POMT2: variants seen among roughly 807,000 people sequenced by gnomAD.
POMT2 encodes protein O-mannosyl-transferase 2.
POMT2 carries 75 observed loss-of-function variants against 100.0 expected under a neutral mutation model. That is an observed-to-expected ratio of 0.75 (90% CI 0.62 to 0.91). POMT2 has a LOEUF of 0.91. Ranked by LOEUF, POMT2 falls within the 40% of genes least tolerant of loss-of-function variation. The probability of loss-of-function intolerance (pLI) is 0.00; values close to 1 mark genes in which losing one functional copy is unlikely to be tolerated. For synonymous variants in POMT2, 378 were observed against 374.1 expected, an observed-to-expected ratio of 1.01 and a Z score of -0.12; for missense variants, 940 against 955.1, an observed-to-expected ratio of 0.98 and a Z score of 0.21.
At chr14:77,295,979 C>G (rs924946203) in intron 9 of POMT2, among the ~76,000 whole-genome samples, 185 bp downstream of exon 9, 4 of 152,066 alleles carry the variant, frequency 2.6e-5, no homozygotes, top group African/African-American at 9.7e-5. Flanking sequence ...ACATGGTTGT[C>G]ACTAAAGAAC....
intron 4 of POMT2, 40 bp from the exon 5 acceptor site, chr14:77,302,983 A>G: frequency 6.7e-7 from 1 of 1,498,320 alleles, no homozygotes; most frequent in Non-Finnish European, 9.2e-7. Context: ...GCGAGGTAAG[A>G]GAAGGGCCCC....
intron 7 of POMT2, 63 bp downstream of exon 7, chr14:77,299,392 C>A: frequency 6.9e-7 from 1 of 1,452,784 alleles, no homozygotes; most frequent in Admixed American, 1.7e-5. Flanking sequence ...CATCCGACCC[C>A]TCCACAGGCT....
intron 1 of POMT2, among the ~76,000 whole-genome samples, chr14:77,319,181 G>A (rs1891739095): frequency 6.6e-6 from 1 of 152,182 alleles, no homozygotes; most frequent in Admixed American, 6.5e-5. Flanking sequence ...CAGCCCAGAT[G>A]TCTGAAATAA....
At chr14:77,280,316 ACCC>A (rs1185987473) in intron 16 of POMT2, 73 bp downstream of exon 16, 1 of 1,315,718 alleles carries the variant, frequency 7.6e-7, no homozygotes, top group East Asian at 2.7e-5. Context: ...TAGTACACCC[ACCC>A]CCGCCTCCAC....
chr14:77,285,700 G>T, intron 12 of POMT2, 68 bp from the exon 13 acceptor site: 1 of 1,536,756 alleles, frequency 6.5e-7, no homozygotes, highest in East Asian at 2.2e-5. Context: ...TGTCAGAAAG[G>T]GAAATGGCCA....
chr14:77,304,810 GA>G lies in POMT2; in HGVS notation c.439-11del. 1 of 1,575,436 alleles carries G rather than the reference GA, an allele frequency of 6.3e-7. No homozygotes were observed. Among genetic ancestry groups the G allele is most frequent in the Non-Finnish European group, 8.6e-7 (1 of 1,160,212 alleles). ...CAAGGAATGCACAGAACTGTGGGAG[GA>G]ATAGAGAAGCTGTCAAATAACAAGC... On this transcript the variant is annotated splice_polypyrimidine_tract_variant and intron_variant, in intron 3 of 20. Transcript: ENST00000261534.
intron 1 of POMT2, among the ~76,000 whole-genome samples, chr14:77,318,111 A>T (rs1891694830): frequency 6.6e-6 from 1 of 152,172 alleles, no homozygotes; most frequent in Admixed American, 6.5e-5. Flanking sequence ...AAGGAAAGAA[A>T]CAATCCTGGC....
rs190263324 is a variant in POMT2 at position 77,307,199 on chromosome 14, G to T, written c.334-758C>A. ...AAGCAGCTGAAGTATAAAAACTGCT[G>T]GCAAATGCCAACCATCTGGGACAGC... is the stretch of plus-strand genomic sequence containing the variant. On this transcript the variant is annotated intron_variant, in intron 2 of 20. Coordinates refer to ENST00000261534, the MANE Select transcript of POMT2 (RefSeq NM_013382.7). 1.5e-4 allele frequency among the ~76,000 whole-genome samples: 23 copies of T among 152,328 alleles called. No individual in the cohort carries two copies. In the East Asian group the frequency reaches 3.9e-3, roughly 26 times the overall value.
At chr14:77,278,920 TC>T in intron 18 of POMT2, 51 bp from the exon 19 acceptor site, 2 of 1,586,248 alleles carry the variant, frequency 1.3e-6, no homozygotes, top group Non-Finnish European at 1.7e-6. Context: ...GGGCAGAGAT[TC>T]CAGGCTCTGG....
At chr14:77,280,190 C>G (rs1253424926) in intron 16 of POMT2, 110 bp from the exon 17 acceptor site, 14 of 1,590,136 alleles carry the variant, frequency 8.8e-6, no homozygotes, top group Middle Eastern at 2.1e-4. Context: ...GGACACGAAC[C>G]TCAGGCTGGC....
chr14:77,305,053 T>C (rs1891177491), intron 3 of POMT2, among the ~76,000 whole-genome samples: 1 of 152,020 alleles, frequency 6.6e-6, no homozygotes, highest in Non-Finnish European at 1.5e-5. Flanking sequence ...GCCAGGAAGG[T>C]GTGGGTAGGA....
chr14:77,318,589 T>C (rs28374503), intron 1 of POMT2, among the ~76,000 whole-genome samples: 39,659 of 152,070 alleles, frequency 0.26, 5,364 homozygotes, highest in East Asian at 0.48. Flanking sequence ...CCATGTGGTT[T>C]AAACCACTGT....
rs558868901 is a variant in POMT2, at chr14:77,277,275, G to T, written c.*101C>A. ...CCTGGTGAGCAGCAGAATTCTTCGG[G>T]CTCCTTAGGCAGCTTCCTCATGGCC... On this transcript the variant is annotated 3_prime_UTR_variant, in exon 21 of 21. Transcript: ENST00000261534. 1 of 1,007,594 alleles carries T rather than the reference G, an allele frequency of 9.9e-7. No individual in the cohort carries two copies. The highest frequency in any genetic ancestry group is 1.5e-6 in the Non-Finnish European group (1 of 654,078). 62.4% of individuals were successfully genotyped at this position (1,007,594 alleles called of 1,614,324 possible).
At chr14:77,311,914 G>C in intron 2 of POMT2, 35 bp downstream of exon 2, 1 of 1,612,662 alleles carries the variant, frequency 6.2e-7, no homozygotes, top group Non-Finnish European at 8.5e-7. Flanking sequence ...ACAATCCTCT[G>C]GGACCAGAGA....
In POMT2 at chr14:77,288,849, G is replaced by C. The variant is rs1890538029; in HGVS notation, c.1184-18C>G. On this transcript the variant is annotated intron_variant, in intron 10 of 20. Transcript: ENST00000261534. Reference sequence around the variant, plus strand: ...TAGGGGATCTGCCAAAAAGAAACAAGCATTGATATCCAAAATCACTCACCA... The same window carrying C: ...TAGGGGATCTGCCAAAAAGAAACAACCATTGATATCCAAAATCACTCACCA... 6.2e-7 allele frequency: 1 copy of C among 1,610,782 alleles called. No homozygotes were observed. Among genetic ancestry groups the C allele is most frequent in the Admixed American group, 1.7e-5 (1 of 59,966 alleles).
At chr14:77,312,568 C>CAGGAGAAT (rs1891477092) in intron 1 of POMT2, 1 of 153,278 alleles carries the variant, frequency 6.5e-6, no homozygotes, top group African/African-American at 2.4e-5. Context: ...GAGGCTGAGG[C>CAGGAGAAT]GTGAACCCGG....
At chr14:77,308,362 T>G (rs1891305102) in intron 2 of POMT2, among the ~76,000 whole-genome samples, 1 of 149,720 alleles carries the variant, frequency 6.7e-6, no homozygotes, top group Non-Finnish European at 1.5e-5. Context: ...TTTTGTTTTT[T>G]TTTTTTTTTT....
At position 77,304,750 on chromosome 14, in the gene POMT2, T is replaced by C; in HGVS notation, c.489A>G (p.Val163=). Residue 163 remains valine, a synonymous_variant, in exon 4 of 21, where the codon GTA becomes GTG. Coordinates refer to ENST00000261534, the MANE Select transcript of POMT2 (RefSeq NM_013382.7). The stretch of plus-strand genomic sequence containing the variant: ...CCGAGAGGGACTTGGACAGATCCAG[T>C]ACAGTGAGGTAGGCAAAGGGGACCA... ...SWLVPFAYLT[V]LDLSKSLSAA... 3 of 1,601,256 alleles carry C rather than the reference T, an allele frequency of 1.9e-6. No individual in the cohort carries two copies. Among genetic ancestry groups the C allele is most frequent in the Non-Finnish European group, 2.6e-6 (3 of 1,174,818 alleles).
chr14:77,308,361 T>G (rs1029668164), intron 2 of POMT2, among the ~76,000 whole-genome samples: 2 of 149,442 alleles, frequency 1.3e-5, no homozygotes, highest in African/African-American at 2.5e-5. Flanking sequence ...TTTTTGTTTT[T>G]TTTTTTTTTT....
Sources: allele counts gnomAD v4.1 joint callset (sites outside exome capture counted in the v4.1 genomes callset), GRCh38; gene constraint gnomAD v4.1.1; transcripts MANE v1.5; gene names NCBI Gene and HGNC (gene_info 2026-07-23, HGNC 2026-07-21).